CRB1: variants seen among roughly 807,000 people sequenced by gnomAD.
CRB1 encodes the protein crumbs cell polarity complex component 1.
Under a neutral mutation model 120.0 loss-of-function variants are expected in CRB1, and 83 were observed. That is an observed-to-expected ratio of 0.69 (90% confidence interval 0.58 to 0.83). CRB1 has a LOEUF of 0.83. Among genes scored for constraint, CRB1 ranks in the 40% least tolerant of loss-of-function variants. The probability of loss-of-function intolerance (pLI) is 0.00; values close to 1 mark genes in which losing one functional copy is unlikely to be tolerated. For synonymous variants in CRB1, 625 were observed against 612.5 expected (o/e 1.02, Z -0.30); for missense variants, 1,699 against 1,687.6 (o/e 1.01, Z -0.12).
the CRB1 span, among the ~76,000 whole-genome samples, chr1:197,226,715 T>G: frequency 6.6e-6 from 1 of 152,142 alleles, no homozygotes; most frequent in Non-Finnish European, 1.5e-5. Context: ...GAGGTTGTTT[T>G]CAGGAAAAGG....
chr1:197,334,654 A>G (rs982558339), intron 2 of CRB1, among the ~76,000 whole-genome samples: 1 of 152,202 alleles, frequency 6.6e-6, no homozygotes, highest in Non-Finnish European at 1.5e-5. Context: ...AGCTAAGAGA[A>G]ATAAATTTCT....
intron 1 of CRB1, among the ~76,000 whole-genome samples, chr1:197,319,184 G>A (rs1308321551): frequency 6.8e-6 from 1 of 147,782 alleles, no homozygotes; most frequent in Non-Finnish European, 1.5e-5. Flanking sequence ...AGAAGTTTGG[G>A]GGGCTGAGGT....
chr1:197,442,313 T>C, intron 11 of CRB1, 21 bp downstream of exon 11: 1 of 1,614,198 alleles, frequency 6.2e-7, no homozygotes, highest in Non-Finnish European at 8.5e-7. Context: ...TCTCCTTTTA[T>C]GTCTCTCTCT....
At chr1:197,447,882 C>T (rs1174933178) in intron 11 of CRB1, among the ~76,000 whole-genome samples, 2 of 149,218 alleles carry the variant, frequency 1.3e-5, no homozygotes, top group Non-Finnish European at 3.0e-5. Flanking sequence ...AAAAGTCTGT[C>T]TGCCAAACCT....
intron 5 of CRB1, among the ~76,000 whole-genome samples, chr1:197,411,043 C>T (rs1000957374): frequency 2.0e-5 from 3 of 152,214 alleles, no homozygotes; most frequent in Non-Finnish European, 4.4e-5. Context: ...CCTTTAGCTA[C>T]ATGAAGACCC....
At chr1:197,321,394 C>A (rs1658185766) in intron 1 of CRB1, among the ~76,000 whole-genome samples, 2 of 152,230 alleles carry the variant, frequency 1.3e-5, no homozygotes, top group South Asian at 2.1e-4. Flanking sequence ...ATCCAGTAAC[C>A]ACAGTAACCT....
At chr1:197,201,543 A>G in the CRB1 span, among the ~76,000 whole-genome samples, 2 of 151,496 alleles carry the variant, frequency 1.3e-5, no homozygotes, top group Non-Finnish European at 2.9e-5. Flanking sequence ...CGAATCCGTT[A>G]CTCCGGGTTT....
At chr1:197,299,925 A>C (rs1656767857) in intron 1 of CRB1, among the ~76,000 whole-genome samples, 1 of 151,734 alleles carries the variant, frequency 6.6e-6, no homozygotes, top group Non-Finnish European at 1.5e-5. Context: ...TAATTTTTGC[A>C]ATATCTCAAA....
chr1:197,421,267 G>C lies in CRB1; in HGVS notation c.1439G>C (p.Cys480Ser), dbSNP rs62636265. The change falls in exon 6 of 12, where the codon TGT becomes TCT. Residue 480 changes from cysteine to serine, a missense_variant. Cys to Ser is a moderately radical substitution (Grantham distance 112). Transcript: ENST00000367400. ...CCATCTGGCTACACCGGGTCCCTGTGTGAAATCGCAACCACACTTTCATTT... is the reference window on the plus strand; with the variant it reads ...CCATCTGGCTACACCGGGTCCCTGTCTGAAATCGCAACCACACTTTCATTT... ...LCPSGYTGSLCEIATTLSFEG... is the reference protein window; with the variant it reads ...LCPSGYTGSLSEIATTLSFEG... 9 of 1,614,064 alleles carry C rather than the reference G, an allele frequency of 5.6e-6. No individual in the cohort carries two copies. Among genetic ancestry groups the C allele is most frequent in the Admixed American group, 1.7e-5 (1 of 60,002 alleles).
chr1:197,287,268 T>C (rs927777712), intron 1 of CRB1, among the ~76,000 whole-genome samples: 1 of 151,792 alleles, frequency 6.6e-6, no homozygotes. Context: ...AACTGCAAAA[T>C]AGTTTCACCT....
At chr1:197,213,621 C>T in the CRB1 span, among the ~76,000 whole-genome samples, 1 of 152,080 alleles carries the variant, frequency 6.6e-6, no homozygotes, top group Non-Finnish European at 1.5e-5. Context: ...TAGGCTAGAT[C>T]ATACATTTGG....
chr1:197,450,960 A>C (rs1385305568), intron 11 of CRB1, among the ~76,000 whole-genome samples: 2 of 142,446 alleles, frequency 1.4e-5, no homozygotes, highest in African/African-American at 5.4e-5. Flanking sequence ...TCCGTCCCAA[A>C]AAAAAAAAAA....
In CRB1 at chr1:197,335,034, G is replaced by C. The variant is rs548212201; in HGVS notation, c.652+6031G>C. Reference sequence around the variant, plus strand: ...TCAAGAAAGTCTTCACTGAGAAGGTGACATGTGAATAAAGTTCTAAAGAGG... The same window carrying C: ...TCAAGAAAGTCTTCACTGAGAAGGTCACATGTGAATAAAGTTCTAAAGAGG... On this transcript the variant is annotated intron_variant, in intron 2 of 11. Transcript: ENST00000367400. Among the ~76,000 whole-genome samples, 5 of 152,340 alleles carry C rather than the reference G, an allele frequency of 3.3e-5. No homozygotes were observed. The East Asian group carries it at 9.6e-4, about 29-fold the overall frequency.
At chr1:197,314,210 G>T (rs547094266) in intron 1 of CRB1, among the ~76,000 whole-genome samples, 1 of 152,164 alleles carries the variant, frequency 6.6e-6, no homozygotes, top group East Asian at 1.9e-4. Flanking sequence ...GCAGTTTTTT[G>T]AAATATTTTT....
At chr1:197,226,861 A>G in the CRB1 span, among the ~76,000 whole-genome samples, 1 of 152,170 alleles carries the variant, frequency 6.6e-6, no homozygotes, top group Non-Finnish European at 1.5e-5. Context: ...TGGTGATGAC[A>G]AGAGAAAATG....
At chr1:197,367,003 G>A (rs755138908) in intron 5 of CRB1, among the ~76,000 whole-genome samples, 2 of 152,084 alleles carry the variant, frequency 1.3e-5, no homozygotes, top group African/African-American at 2.4e-5. Context: ...AATGAGAATG[G>A]GACATTGCCA....
chr1:197,322,931 G>A (rs1658289354), intron 1 of CRB1, among the ~76,000 whole-genome samples: 1 of 151,934 alleles, frequency 6.6e-6, no homozygotes, highest in South Asian at 2.1e-4. Flanking sequence ...GCATAAACTT[G>A]GGGAAGTTAT....
chr1:197,353,066 A>C (rs533580003), intron 4 of CRB1, among the ~76,000 whole-genome samples: 1 of 152,226 alleles, frequency 6.6e-6, no homozygotes, highest in Non-Finnish European at 1.5e-5. Context: ...CAGCCTGCTG[A>C]GGGAGGAAAC....
At chr1:197,315,835 CTT>C (rs1657804679) in intron 1 of CRB1, among the ~76,000 whole-genome samples, 1 of 152,302 alleles carries the variant, frequency 6.6e-6, no homozygotes, top group African/African-American at 2.4e-5. Context: ...ATGGCCAACA[CTT>C]ATTTGAATAA....
Sources: gnomAD v4.1 joint callset for allele counts (sites outside exome capture counted in the v4.1 genomes callset) on GRCh38, gnomAD v4.1.1 for gene constraint, MANE v1.5 for transcripts, NCBI Gene and HGNC (gene_info 2026-07-23, HGNC 2026-07-21) for gene names.